EYA3: variants seen among roughly 807,000 people sequenced by gnomAD.
EYA3 encodes the protein EYA transcriptional coactivator and phosphatase 3.
A neutral mutation model predicts 80.0 loss-of-function variants in EYA3; 39 were observed. The ratio of observed to expected loss-of-function variants is 0.49; its 90% confidence interval spans 0.38 to 0.64. The LOEUF is 0.64. EYA3 is among the 30% of genes least tolerant of loss of function. The probability of loss-of-function intolerance (pLI) is 0.00; values close to 1 mark genes in which losing one functional copy is unlikely to be tolerated. For missense variants in EYA3, 523 were observed against 676.1 expected (o/e 0.77, Z 2.51); for synonymous variants, 206 against 232.8 (o/e 0.88, Z 1.05).
Position 27,974,544 on chromosome 1 carries a change from G to A in EYA3, c.1644C>T (p.His548=). 1 of 1,612,146 alleles carries A rather than the reference G, an allele frequency of 6.2e-7. No homozygotes were observed. The change falls in exon 18 of 18, where the codon CAC becomes CAT. Residue 548 remains histidine (H), a splice_region_variant and synonymous_variant. Coordinates refer to ENST00000373871, the MANE Select transcript of EYA3 (RefSeq NM_001990.4). ...GRDEEIAAKQ[H]NMPFWRITNH... ...TTGTGATCCTCCAGAAAGGCATGTT[G>A]TGCTGGAAGAGAGTGGGAATAGCTG...
chr1:28,062,688 G>A (rs1422352740), intron 1 of EYA3, among the ~76,000 whole-genome samples: 2 of 151,594 alleles, frequency 1.3e-5, no homozygotes, highest in Non-Finnish European at 2.9e-5. Flanking sequence ...GTGTGTGTGT[G>A]TGTGTTCTGT....
rs1407631248 is a variant in EYA3, at chr1:27,973,284, T to C, written c.*1182A>G. ...TTATAAGCATGTTTTTAGATTTGAT[T>C]TGAATTCTTGGGTCTAATACCCGGG... On this transcript the variant is annotated 3_prime_UTR_variant, in exon 18 of 18. Transcript: ENST00000373871. 6.6e-6 allele frequency: 1 copy of C among 152,124 alleles called. No homozygotes were observed. The highest frequency in any genetic ancestry group is 1.5e-5 in the Non-Finnish European group (1 of 68,036). The allele number at this position is 152,124 out of a possible 1,614,324, so 9.4% of individuals were successfully genotyped here.
Position 28,017,159 on chromosome 1 carries a change from T to G in EYA3, c.580A>C (p.Asn194His). 1 of 1,612,478 alleles carries G rather than the reference T, an allele frequency of 6.2e-7. No homozygotes were observed. The highest frequency in any genetic ancestry group is 8.5e-7 in the Non-Finnish European group (1 of 1,178,554). Residue 194 changes from asparagine to histidine, a missense_variant, in exon 8 of 18, where the codon AAC becomes CAC. Asn to His is a moderately conservative substitution (Grantham distance 68). Transcript: ENST00000373871. The stretch of plus-strand genomic sequence containing the variant: ...GAACAAAGGTAGCATCATACCTGGT[T>G]TGAGATGCTGGCTACTGCTGCTGCT... The part of the protein sequence containing the change: ...IPAAAVASIS[N>H]QDYPTYTILG...
chr1:28,087,700 T>C (rs1039521195), intron 1 of EYA3, among the ~76,000 whole-genome samples: 2 of 152,192 alleles, frequency 1.3e-5, no homozygotes, highest in South Asian at 2.1e-4. Flanking sequence ...GCTGTGCACA[T>C]CCATTCTCAT....
chr1:28,016,040 C>A (rs975741031), intron 8 of EYA3, among the ~76,000 whole-genome samples: 2 of 152,118 alleles, frequency 1.3e-5, no homozygotes, highest in Non-Finnish European at 2.9e-5. Flanking sequence ...GGATTAGAAT[C>A]TTTGGTGACA....
chr1:28,048,477 A>G (rs1405355090), intron 2 of EYA3, 51 bp from the exon 3 acceptor site: 2 of 1,437,016 alleles, frequency 1.4e-6, no homozygotes, highest in Non-Finnish European at 1.9e-6. Context: ...TGTTTTTTAA[A>G]TCATTTAGCT....
chr1:28,065,294 G>A (rs1644792725), intron 1 of EYA3, among the ~76,000 whole-genome samples: 1 of 152,098 alleles, frequency 6.6e-6, no homozygotes, highest in South Asian at 2.1e-4. Context: ...TTCTTTTTGA[G>A]ATGGAGTCTC....
At chr1:28,004,999 G>A (rs1641166397) in intron 10 of EYA3, among the ~76,000 whole-genome samples, 1 of 152,016 alleles carries the variant, frequency 6.6e-6, no homozygotes, top group Non-Finnish European at 1.5e-5. Context: ...AATGAAAGTG[G>A]GGACATCACT....
intron 1 of EYA3, among the ~76,000 whole-genome samples, chr1:28,086,104 T>C (rs1025896420): frequency 1.3e-5 from 2 of 152,200 alleles, no homozygotes; most frequent in South Asian, 2.1e-4. Context: ...AAATACTATA[T>C]TGTGCTTTCC....
rs1420820931 is a variant in EYA3, at chr1:28,013,363, C to A, written c.586-69G>T. On this transcript the variant is annotated intron_variant, in intron 8 of 17. Coordinates refer to ENST00000373871, the MANE Select transcript of EYA3 (RefSeq NM_001990.4). This position sits in a 1 kb window ranked among gnomAD's most constrained non-coding sequence, Gnocchi z 4.0. ...CATTAATCTCAACACAAGAGGCTTTCTTCTCCCTCTTTCTTATTCATAATT... is the reference window on the plus strand; with the variant it reads ...CATTAATCTCAACACAAGAGGCTTTATTCTCCCTCTTTCTTATTCATAATT... The A allele has an allele frequency of 2.4e-6, 3 of 1,224,952 alleles. No homozygotes were observed. The highest frequency in any genetic ancestry group is 2.0e-5 in the South Asian group (1 of 49,534). 75.9% of individuals were successfully genotyped at this position (1,224,952 alleles called of 1,614,324 possible).
intron 12 of EYA3, among the ~76,000 whole-genome samples, chr1:27,998,714 TAAA>T (rs552461420): frequency 7.4e-6 from 1 of 135,250 alleles, no homozygotes. Flanking sequence ...TCTCTATTAC[TAAA>T]AAAAAAAAAA....
At chr1:28,084,593 A>ATT (rs1645577193) in intron 1 of EYA3, among the ~76,000 whole-genome samples, 4 of 13,642 alleles carry the variant, frequency 2.9e-4, no homozygotes, top group African/African-American at 3.7e-4. Context: ...ATATATATAT[A>ATT]TATTTTTTTT....
At chr1:28,041,313 G>A (rs1643764097) in intron 4 of EYA3, among the ~76,000 whole-genome samples, 1 of 152,114 alleles carries the variant, frequency 6.6e-6, no homozygotes, top group Non-Finnish European at 1.5e-5. Context: ...GCAGTGAGCG[G>A]AGATCTTGCC....
At chr1:28,000,491 T>G (rs1017063676) in intron 11 of EYA3, among the ~76,000 whole-genome samples, 1 of 152,074 alleles carries the variant, frequency 6.6e-6, no homozygotes, top group Non-Finnish European at 1.5e-5. Context: ...TTTTTGTATT[T>G]TTAGTAGAGA....
intron 6 of EYA3, among the ~76,000 whole-genome samples, chr1:28,033,963 G>A (rs1303177757): frequency 2.0e-5 from 3 of 151,818 alleles, no homozygotes; most frequent in Non-Finnish European, 4.4e-5. Flanking sequence ...GGCAGGCCAA[G>A]CTGGGCAGAT....
At chr1:28,073,127 A>ATATATATATATATATATATATATTT (rs1553157671) in intron 1 of EYA3, among the ~76,000 whole-genome samples, 1 of 14,998 alleles carries the variant, frequency 6.7e-5, no homozygotes, top group Non-Finnish European at 1.1e-4. Context: ...ATATATATAT[A>ATATATATATATATATATATATATTT]TTTTTTTTTT....
At chr1:28,014,601 A>G (rs1356562313) in intron 8 of EYA3, among the ~76,000 whole-genome samples, 3 of 151,564 alleles carry the variant, frequency 2.0e-5, no homozygotes, top group Non-Finnish European at 4.4e-5. Context: ...GGTGGCATGC[A>G]CCTGTAGTCC....
chr1:28,038,878 C>G lies in EYA3; in HGVS notation c.185G>C (p.Arg62Pro). The change falls in exon 5 of 18, where the codon CGC (arginine) becomes CCC (proline). Residue 62 changes from arginine (R) to proline (P), a missense_variant. By Grantham distance (103) the Arg-to-Pro change is moderately radical. This residue lies in a region of EYA3 where 304 missense variants were observed against 343.3 expected (regional missense o/e 0.89). Coordinates refer to ENST00000373871, the MANE Select transcript of EYA3 (RefSeq NM_001990.4). ...TTGTGAGGTATAATCATTGGATGAG[C>G]GAGGGATGTAATCGGTGCATGTCAT... ...EIMTCTDYIP[R>P]SSNDYTSQMY... is the part of the protein sequence containing the mutation. The G allele has an allele frequency of 2.5e-6, 4 of 1,598,318 alleles. No individual in the cohort carries two copies. The highest frequency in any genetic ancestry group is 3.4e-6 in the Non-Finnish European group (4 of 1,170,258).
At chr1:28,064,359 CCTCTCTCT>C (rs753576988) in intron 1 of EYA3, among the ~76,000 whole-genome samples, 107 of 137,458 alleles carry the variant, frequency 7.8e-4, no homozygotes, top group Middle Eastern at 3.6e-3. Context: ...AGCAAGCCAT[CCTCTCTCT>C]CTCTCTCTCT....
Sources: allele counts gnomAD v4.1 joint callset (sites outside exome capture counted in the v4.1 genomes callset), GRCh38; gene constraint gnomAD v4.1.1; regional missense constraint gnomAD v4.1.1; non-coding constraint Gnocchi (gnomAD v3.1); transcripts MANE v1.5; gene names NCBI Gene and HGNC (gene_info 2026-07-23, HGNC 2026-07-21).